ZAN: variants seen among roughly 807,000 people sequenced by gnomAD.
ZAN encodes zonadhesin (gene/pseudogene).
ZAN carries 260 observed loss-of-function variants against 286.2 expected under a neutral mutation model. The ratio of observed to expected loss-of-function variants is 0.91; its 90% CI spans 0.82 to 1.01. The LOEUF is 1.01. ZAN is among the 50% of genes least tolerant of loss of function. ZAN has a pLI of 0.00. For synonymous variants in ZAN, 1,368 were observed against 1,417.5 expected (o/e 0.97, Z 0.79); for missense variants, 3,410 against 3,639.2 (o/e 0.94, Z 1.62).
At chr7:100,778,452 A>G (rs1326863223) in intron 34 of ZAN, among the ~76,000 whole-genome samples, 2 of 151,698 alleles carry the variant, frequency 1.3e-5, no homozygotes, top group Non-Finnish European at 1.5e-5. Context: ...GAAAAAAAAA[A>G]AAAAGAAAAG....
intron 38 of ZAN, among the ~76,000 whole-genome samples, chr7:100,788,759 C>T (rs1811741809): frequency 6.6e-6 from 1 of 152,064 alleles, no homozygotes; most frequent in African/African-American, 2.4e-5. Context: ...AGTGCAGTGG[C>T]ACCATCTAGG....
chr7:100,797,547 G>A (rs778655718), intron 46 of ZAN, 30 bp from the exon 47 acceptor site: 3 of 1,613,530 alleles, frequency 1.9e-6, no homozygotes, highest in East Asian at 2.2e-5. Flanking sequence ...GCCACTTGGG[G>A]ACCCATGTCT....
At chr7:100,768,509 C>A in intron 26 of ZAN, 101 bp from the exon 27 acceptor site, 2 of 952,484 alleles carry the variant, frequency 2.1e-6, no homozygotes, top group Non-Finnish European at 3.1e-6. Context: ...GTTAACCTTG[C>A]TATGTAGAAT....
chr7:100,796,010 G>A (rs1812338703), intron 45 of ZAN, among the ~76,000 whole-genome samples: 1 of 152,048 alleles, frequency 6.6e-6, no homozygotes, highest in African/African-American at 2.4e-5. Flanking sequence ...AACCCGGGAG[G>A]CAGAGGTTGC....
intron 45 of ZAN, among the ~76,000 whole-genome samples, 195 bp downstream of exon 45, chr7:100,795,531 TTATC>T (rs1325847720): frequency 6.0e-5 from 9 of 149,468 alleles, no homozygotes; most frequent in Admixed American, 2.7e-4. Context: ...TGTATATTAA[TTATC>T]TATTTATATA....
chr7:100,758,256 G>GATCT lies in ZAN; in HGVS notation c.3364_3365insATCT (p.Gly1122AspfsTer21), dbSNP rs1562930669. On this transcript the variant is annotated frameshift_variant, in exon 16 of 48. Coordinates refer to ENST00000613979, the MANE Select transcript of ZAN (RefSeq NM_003386.3). LOFTEE classifies it high-confidence loss of function. Reference sequence around the variant, plus strand: ...CACAGAACATTGCCGCTGCTGGCCCGGCAGTCGGGTCGAGTGCCAGATCTC... The same window carrying GATCT: ...CACAGAACATTGCCGCTGCTGGCCCGATCTGCAGTCGGGTCGAGTGCCAGATCTC... 2.5e-6 allele frequency: 4 copies of GATCT among 1,613,388 alleles called. No homozygotes were observed. In the South Asian group the frequency reaches 4.4e-5, roughly 18 times the overall value.
Position 100,786,020 on chromosome 7 carries a change from C to T in ZAN, c.6858C>T (p.Ser2286=), listed in dbSNP as rs182830568. ...SIPLGKSWVS[S]GCTEKCVCTG... is the part of the protein sequence containing the mutation. ...AGCTGGGCAAGAGCTGGGTCTCCAG[C>T]GGTTGCACGGAGAAGTGTGTCTGCA... Residue 2286 remains serine (S), a synonymous_variant, in exon 37 of 48, where the codon AGC becomes AGT. Coordinates refer to ENST00000613979, the MANE Select transcript of ZAN (RefSeq NM_003386.3). 100 of 1,613,874 alleles carry T rather than the reference C, an allele frequency of 6.2e-5. No individual in the cohort carries two copies. The African/African-American group carries it at 8.3e-4, about 13-fold the overall frequency.
chr7:100,765,518 G>A lies in ZAN; in HGVS notation c.4434G>A (p.Gln1478=), dbSNP rs757708409. The A allele has an allele frequency of 3.1e-6, 5 of 1,610,352 alleles. No homozygotes were observed. The highest frequency in any genetic ancestry group is 4.2e-6 in the Non-Finnish European group (5 of 1,178,386). ...GCCTCGAGTGCATACCTCGCTCCCA[G>A]TGTGGGTGCCTCCACCCTGCAGGCA... ...LSGLECIPRS[Q]CGCLHPAGSY... The change falls in exon 23 of 48, where the codon CAG becomes CAA. Residue 1478 remains glutamine, a synonymous_variant. Coordinates refer to ENST00000613979, the MANE Select transcript of ZAN (RefSeq NM_003386.3).
chr7:100,767,764 C>A, intron 25 of ZAN, 67 bp from the exon 26 acceptor site: 1 of 1,527,032 alleles, frequency 6.5e-7, no homozygotes, highest in South Asian at 1.3e-5. Flanking sequence ...AGGCATGAGC[C>A]CCCGTCCTTG....
intron 35 of ZAN, among the ~76,000 whole-genome samples, chr7:100,781,986 T>TTGGACA (rs1354482721): frequency 6.6e-6 from 1 of 152,146 alleles, no homozygotes; most frequent in East Asian, 1.9e-4. Context: ...ATGAGTGAGA[T>TTGGACA]TGGACATTTT....
chr7:100,767,167 C>A lies in ZAN; in HGVS notation c.4770C>A (p.Arg1590=). 6.2e-7 allele frequency: 1 copy of A among 1,613,832 alleles called. No homozygotes were observed. Among genetic ancestry groups the A allele is most frequent in the East Asian group, 2.2e-5 (1 of 44,858 alleles). ...TTGTGAGCGCCACCAACGAGAACCG[C>A]GGGGGGATCCTGGAGGTCTCCTACA... ...YFVVSATNEN[R]GGILEVSYIK... is the part of the protein sequence containing the mutation. The change falls in exon 25 of 48, where the codon CGC becomes CGA. Residue 1590 remains arginine, a synonymous_variant. Coordinates refer to ENST00000613979, the MANE Select transcript of ZAN (RefSeq NM_003386.3).
rs866924353 is a variant in ZAN at position 100,776,450 on chromosome 7, T to G, written c.6203T>G (p.Met2068Arg). 4.4e-6 allele frequency: 7 copies of G among 1,606,372 alleles called. No individual in the cohort carries two copies. In the Middle Eastern group the frequency reaches 6.6e-4, roughly 152 times the overall value. Residue 2068 changes from methionine (M) to arginine (R), a missense_variant, in exon 34 of 48, where the codon ATG becomes AGG. Met to Arg is a moderately conservative substitution (Grantham distance 91). Transcript: ENST00000613979. ...PTTYYGKVCG[M>R]CGNFNDEEED... The stretch of plus-strand genomic sequence containing the variant: ...ACTCTCCCCCGCCAGGTCTGCGGCA[T>G]GTGTGGGAACTTCAATGATGAGGAA...
intron 25 of ZAN, 100 bp from the exon 26 acceptor site, chr7:100,767,731 G>C: frequency 7.4e-7 from 1 of 1,350,434 alleles, no homozygotes; most frequent in Non-Finnish European, 1.0e-6. Context: ...CTCCGCCTCG[G>C]CCTCCCAAAG....
rs1381538021 is a variant in ZAN, at chr7:100,734,108, G to C, written c.-61G>C. On this transcript the variant is annotated 5_prime_UTR_variant, in exon 2 of 48. Transcript: ENST00000613979. The stretch of plus-strand genomic sequence containing the variant: ...TAAGGAGGCCAGGGGGGAATAAAAG[G>C]AGTCCAGGCTCCCAACTGTGCCCTT... The C allele has an allele frequency of 8.9e-7, 1 of 1,121,918 alleles. No individual in the cohort carries two copies. The highest frequency in any genetic ancestry group is 1.3e-6 in the Non-Finnish European group (1 of 768,342). 69.5% of individuals were successfully genotyped at this position (1,121,918 alleles called of 1,614,324 possible).
intron 19 of ZAN, 126 bp downstream of exon 19, chr7:100,760,662 G>T: frequency 7.2e-7 from 1 of 1,388,558 alleles, no homozygotes; most frequent in Non-Finnish European, 9.8e-7. Flanking sequence ...GATCCTTTAT[G>T]CATTCACGGA....
At position 100,795,318 on chromosome 7, in the gene ZAN, C is replaced by T; in HGVS notation, c.8248C>T (p.Pro2750Ser). Reference sequence around the variant, plus strand: ...CCTGTGTATGGAGCCTCGAGATGCGCCACCTCCCAGAAAGCCAGGTGAGGG... The same window carrying T: ...CCTGTGTATGGAGCCTCGAGATGCGTCACCTCCCAGAAAGCCAGGTGAGGG... Reference protein sequence around the residue: ...GGLCMEPRDAPPPRKPASNLV... With the variant: ...GGLCMEPRDASPPRKPASNLV... The change falls in exon 45 of 48, where the codon CCA (proline) becomes TCA (serine). Residue 2750 changes from proline (P) to serine (S), a missense_variant. Transcript: ENST00000613979. The T allele has an allele frequency of 6.3e-7, 1 of 1,591,722 alleles. No individual in the cohort carries two copies. Among genetic ancestry groups the T allele is most frequent in the East Asian group, 2.3e-5 (1 of 43,846 alleles).
chr7:100,793,781 C>T (rs1812152933), intron 42 of ZAN, 39 bp from the exon 43 acceptor site: 5 of 1,548,394 alleles, frequency 3.2e-6, no homozygotes, highest in Non-Finnish European at 3.5e-6. Context: ...TTTGGCCTGC[C>T]CAGCCCCAGC....
In ZAN at chr7:100,755,211, C is replaced by A; in HGVS notation, c.3125-15C>A. On this transcript the variant is annotated splice_polypyrimidine_tract_variant and intron_variant, in intron 14 of 47. Transcript: ENST00000613979. The stretch of plus-strand genomic sequence containing the variant: ...CCATGGAATGAAAGCATGACAGAGG[C>A]TGTTTTCCCCTTAGAGCGCTGCCCT... 1 of 1,600,490 alleles carries A rather than the reference C, an allele frequency of 6.2e-7. No individual in the cohort carries two copies. Among genetic ancestry groups the A allele is most frequent in the Non-Finnish European group, 8.5e-7 (1 of 1,171,932 alleles).
intron 12 of ZAN, 109 bp downstream of exon 12, chr7:100,751,005 G>GA: frequency 6.8e-7 from 1 of 1,472,168 alleles, no homozygotes. Context: ...AGAGAGCCGA[G>GA]AAAAGGGGAA....
Sources: gnomAD v4.1 joint callset for allele counts (sites outside exome capture counted in the v4.1 genomes callset) on GRCh38, gnomAD v4.1.1 for gene constraint, MANE v1.5 for transcripts, NCBI Gene and HGNC (gene_info 2026-07-23, HGNC 2026-07-21) for gene names.